The following TUBB8 variants were observed in gnomAD, a reference collection of about 807,000 sequenced individuals.
TUBB8 encodes tubulin beta 8 class VIII, also known as tubulin beta-8 chain.
A neutral mutation model predicts 33.7 loss-of-function variants in TUBB8; 25 were observed. That is an observed-to-expected ratio of 0.74 (90% CI 0.54 to 1.04). TUBB8 has a LOEUF of 1.04. Ranked by LOEUF, TUBB8 falls within the 50% of genes least tolerant of loss-of-function variation. The pLI is 0.00. For missense variants in TUBB8, 279 were observed against 608.0 expected, an observed-to-expected ratio of 0.46 and a Z score of 5.69; for synonymous variants, 245 against 240.1, an observed-to-expected ratio of 1.02 and a Z score of -0.19.
chr10:75,806 C>T (rs1834805767), upstream of TUBB8, among the ~76,000 whole-genome samples: 1 of 152,058 alleles, frequency 6.6e-6, no homozygotes, highest in Non-Finnish European at 1.5e-5. Context: ...TTTCCATTTT[C>T]CTGCGTTGTT....
At chr10:66,450 G>A (rs1171646968) in intron 1 of TUBB8, among the ~76,000 whole-genome samples, 1 of 152,144 alleles carries the variant, frequency 6.6e-6, no homozygotes, top group East Asian at 1.9e-4. Context: ...GGAGTTTCAG[G>A]CCAGTCCGGC....
chr10:74,424 C>T (rs1449429193), upstream of TUBB8, among the ~76,000 whole-genome samples: 9 of 150,614 alleles, frequency 6.0e-5, 1 homozygote, highest in Non-Finnish European at 1.3e-4. Flanking sequence ...GTCAGGAAAT[C>T]GAGACCATTC....
intron 1 of TUBB8, among the ~76,000 whole-genome samples, chr10:56,079 G>A (rs1435284789): frequency 2.6e-5 from 4 of 152,164 alleles, no homozygotes; most frequent in Admixed American, 2.0e-4. Flanking sequence ...TGGATCGCAT[G>A]GACATTTTTT....
intron 1 of TUBB8, among the ~76,000 whole-genome samples, chr10:67,843 C>T (rs1297772469): frequency 6.6e-6 from 1 of 152,180 alleles, no homozygotes; most frequent in East Asian, 1.9e-4. Context: ...ACAATCCTAG[C>T]TCTTCAGCAT....
intron 1 of TUBB8, among the ~76,000 whole-genome samples, chr10:58,178 T>C (rs1264654771): frequency 4.6e-5 from 7 of 152,372 alleles, no homozygotes; most frequent in African/African-American, 1.4e-4. Context: ...GCTTCGGTCC[T>C]AATTTTCTAA....
intron 1 of TUBB8, among the ~76,000 whole-genome samples, chr10:57,741 T>TG (rs373271236): frequency 1.3e-5 from 2 of 152,222 alleles, no homozygotes; most frequent in South Asian, 2.1e-4. Context: ...GGGTCTGTGA[T>TG]GGGGGGCTGC....
At chr10:51,132 T>C (rs1344230619), upstream of TUBB8, among the ~76,000 whole-genome samples, 1 of 152,064 alleles carries the variant, frequency 6.6e-6, no homozygotes, top group Non-Finnish European at 1.5e-5. Context: ...GATCTGATGG[T>C]TTATTTATTT....
rs1554737901 is a variant in TUBB8, at chr10:46,946, C to T, written c.*111G>A. ...CGCATACTATAAAAATGCTTTAAAA[C>T]GCAGCAGGAGATGTGAAGACACAAA... On this transcript the variant is annotated 3_prime_UTR_variant, in exon 4 of 4. Coordinates refer to ENST00000568584, the MANE Select transcript of TUBB8 (RefSeq NM_177987.3). The T allele has an allele frequency of 3.4e-5, 20 of 591,486 alleles. No homozygotes were observed. Among genetic ancestry groups the T allele is most frequent in the South Asian group, 1.4e-4 (7 of 49,456 alleles). The allele number at this position is 591,486 out of a possible 1,614,324, so 36.6% of individuals were successfully genotyped here. A position where few individuals can be genotyped will look rare whatever the true frequency, so the allele number is the denominator to read the frequency against.
rs1223765065 is a variant in TUBB8 at position 47,726 on chromosome 10, A to G, written c.666T>C (p.Tyr222=). 3.1e-6 allele frequency: 5 copies of G among 1,612,952 alleles called. No individual in the cohort carries two copies. The African/African-American group carries it at 6.7e-5, about 22-fold the overall frequency. Residue 222 remains tyrosine (Y), a synonymous_variant, in exon 4 of 4, where the codon TAT becomes TAC. Coordinates refer to ENST00000568584, the MANE Select transcript of TUBB8 (RefSeq NM_177987.3). ...CAGACACCAGGTGGTTCAGGTCACCATAGGTGGGTGTGGGCAGTTTTAGGG... is the reference window on the plus strand; with the variant it reads ...CAGACACCAGGTGGTTCAGGTCACCGTAGGTGGGTGTGGGCAGTTTTAGGG... ...SKTLKLPTPT[Y]GDLNHLVSAT... is the part of the protein sequence containing the mutation.
intron 1 of TUBB8, among the ~76,000 whole-genome samples, chr10:57,553 C>T (rs1554740312): frequency 2.6e-5 from 4 of 152,208 alleles, no homozygotes; most frequent in African/African-American, 9.6e-5. Flanking sequence ...CATATGAAAG[C>T]TACAAAGGCT....
intron 1 of TUBB8, among the ~76,000 whole-genome samples, chr10:64,945 T>A (rs1834650192): frequency 1.4e-5 from 2 of 140,944 alleles, no homozygotes; most frequent in Non-Finnish European, 3.0e-5. Flanking sequence ...GAGACCAGCC[T>A]GGTCAACATG....
chr10:65,278 T>C (rs533894248), intron 1 of TUBB8, among the ~76,000 whole-genome samples: 1 of 152,312 alleles, frequency 6.6e-6, no homozygotes, highest in Admixed American at 6.5e-5. Flanking sequence ...TTTCTGCTAA[T>C]TTTTTTCCCC....
At chr10:73,578 G>C (rs1834766090) in intron 1 of TUBB8, among the ~76,000 whole-genome samples, 1 of 151,974 alleles carries the variant, frequency 6.6e-6, no homozygotes, top group South Asian at 2.1e-4. Context: ...AGGAGGCGGA[G>C]GTTGCAGTGA....
At position 64,694 on chromosome 10, in the gene TUBB8, C is replaced by T. The variant is rs1834647029; in HGVS notation, c.-846+9275G>A. 3.9e-5 allele frequency among the ~76,000 whole-genome samples: 6 copies of T among 152,254 alleles called. No homozygotes were observed. In the South Asian group the frequency reaches 1.2e-3, roughly 31 times the overall value. On this transcript the variant is annotated intron_variant, in intron 1 of 3. Transcript: ENST00000564130. The stretch of plus-strand genomic sequence containing the variant: ...ACTTCCTCTCACACATACACATCAA[C>T]ACACTCACATATGCATACCCCTATA...
chr10:51,648 T>C (rs1834469987), upstream of TUBB8, among the ~76,000 whole-genome samples: 1 of 152,214 alleles, frequency 6.6e-6, no homozygotes, highest in Admixed American at 6.5e-5. Flanking sequence ...GCTAAGTAGC[T>C]GGGTTTATGG....
rs144740103 is a variant in TUBB8, at chr10:48,003, A to C, written c.389T>G (p.Leu130Arg). 6.2e-7 allele frequency: 1 copy of C among 1,611,404 alleles called. No homozygotes were observed. The highest frequency in any genetic ancestry group is 8.5e-7 in the Non-Finnish European group (1 of 1,179,948). The change falls in exon 4 of 4, where the codon CTG becomes CGG. Residue 130 changes from leucine to arginine, a missense_variant. Coordinates refer to ENST00000568584, the MANE Select transcript of TUBB8 (RefSeq NM_177987.3). The stretch of plus-strand genomic sequence containing the variant: ...GGAGTGGGTCAGCTGGAAACCCTGC[A>C]GGCAGTCACAGCTCTCAGCCTCCTT... ...VRKEAESCDC[L>R]QGFQLTHSLG...
At chr10:48,490 T>C in intron 3 of TUBB8, 125 bp downstream of exon 3, 2 of 931,840 alleles carry the variant, frequency 2.1e-6, no homozygotes, top group Non-Finnish European at 3.4e-6. Flanking sequence ...GCGACTCGAC[T>C]CGGAGGATAG....
intron 1 of TUBB8, among the ~76,000 whole-genome samples, chr10:54,704 A>G (rs1834507586): frequency 6.6e-6 from 1 of 152,092 alleles, no homozygotes; most frequent in Non-Finnish European, 1.5e-5. Flanking sequence ...AACTCAATAT[A>G]TTGTAGTGTA....
intron 1 of TUBB8, among the ~76,000 whole-genome samples, chr10:61,818 G>T (rs188929307): frequency 6.8e-4 from 104 of 152,238 alleles, no homozygotes; most frequent in African/African-American, 2.4e-3. Context: ...TCCTCTTCAA[G>T]AATTGATCTC....
Sources: gnomAD v4.1 joint callset for allele counts (sites outside exome capture counted in the v4.1 genomes callset) on GRCh38, gnomAD v4.1.1 for gene constraint, MANE v1.5 for transcripts, NCBI Gene and HGNC (gene_info 2026-07-23, HGNC 2026-07-21) for gene names.